WDR47: variants seen among roughly 807,000 people sequenced by gnomAD.
The protein encoded by WDR47 is WD repeat domain 47, also known as WD repeat-containing protein 47.
In WDR47, 32 loss-of-function variants were observed where a neutral mutation model predicts 97.2. The observed-to-expected ratio is 0.33, with a 90% CI of 0.25 to 0.44. The LOEUF (loss-of-function observed/expected upper bound fraction) is 0.44. WDR47 is among the 20% of genes least tolerant of loss of function. The pLI, the probability that WDR47 is intolerant of heterozygous loss-of-function variation, is 1.00. For synonymous variants in WDR47, 375 were observed against 373.5 expected, an observed-to-expected ratio of 1.00 and a Z score of -0.05; for missense variants, 782 against 1,102.3, an observed-to-expected ratio of 0.71 and a Z score of 4.11.
At chr1:108,988,891 G>T (rs1659077658) in intron 9 of WDR47, among the ~76,000 whole-genome samples, 1 of 151,906 alleles carries the variant, frequency 6.6e-6, no homozygotes, top group South Asian at 2.1e-4. Flanking sequence ...CCAAGTAGCT[G>T]GGATTATAGG....
intron 3 of WDR47, among the ~76,000 whole-genome samples, chr1:109,016,141 A>G (rs1011821514): frequency 6.6e-6 from 1 of 151,998 alleles, no homozygotes; most frequent in Non-Finnish European, 1.5e-5. Flanking sequence ...AGTGGCTCAT[A>G]CTTGTAATCC....
chr1:109,019,382 CA>C (rs543984146), intron 2 of WDR47, among the ~76,000 whole-genome samples: 3,461 of 61,468 alleles, frequency 0.056, 34 homozygotes, highest in Non-Finnish European at 0.083. Context: ...GACTCTGTCT[CA>C]AAAAAAAAAA....
At chr1:109,025,977 C>T (rs540740438) in intron 1 of WDR47, among the ~76,000 whole-genome samples, 3 of 152,294 alleles carry the variant, frequency 2.0e-5, no homozygotes, top group Admixed American at 1.3e-4. Context: ...GAGCTGACCA[C>T]CATCCTCCTG....
rs1659332584 is a variant in WDR47, at chr1:108,991,310, T to G, written c.1711A>C (p.Ile571Leu). The G allele has an allele frequency of 2.5e-6, 4 of 1,612,350 alleles. No individual in the cohort carries two copies. The highest frequency in any genetic ancestry group is 3.4e-6 in the Non-Finnish European group (4 of 1,178,830). ...GGAGAATCTCCAAGAGGTGGCTTAA[T>G]GACCGAATGTTCTGAAGAGCTGTGG... ...GSQISSEHSV[I>L]KPPLGDSPGS... The change falls in exon 9 of 15, where the codon ATT (isoleucine) becomes CTT (leucine). Residue 571 changes from isoleucine (I) to leucine (L), a missense_variant. By Grantham distance (5) the Ile-to-Leu change is conservative. This residue lies in a region of WDR47 where 126 missense variants were observed against 121.3 expected (regional missense o/e 1.04). Transcript: ENST00000369962.
intron 7 of WDR47, among the ~76,000 whole-genome samples, chr1:108,996,353 C>T (rs539866308): frequency 1.3e-5 from 2 of 152,258 alleles, no homozygotes; most frequent in South Asian, 4.2e-4. Context: ...TGTGCCCAGC[C>T]AGTATCACAG....
intron 4 of WDR47, among the ~76,000 whole-genome samples, chr1:109,012,722 G>A (rs540185332): frequency 1.3e-5 from 2 of 152,176 alleles, no homozygotes; most frequent in South Asian, 2.1e-4. Flanking sequence ...TTTTAATGAT[G>A]TAAGGAACTT....
intron 1 of WDR47, among the ~76,000 whole-genome samples, chr1:109,037,233 G>C (rs1263827534): frequency 6.6e-6 from 1 of 152,006 alleles, no homozygotes; most frequent in African/African-American, 2.4e-5. Flanking sequence ...GGAGGCTGAG[G>C]CAGGAGAATC....
At chr1:109,026,937 T>C (rs542516804) in intron 1 of WDR47, among the ~76,000 whole-genome samples, 74 of 152,178 alleles carry the variant, frequency 4.9e-4, no homozygotes, top group Middle Eastern at 3.4e-3. Flanking sequence ...AGAAAATATG[T>C]CCTAATTAAC....
chr1:108,996,030 T>C (rs944832121), intron 7 of WDR47, among the ~76,000 whole-genome samples, 193 bp from the exon 8 acceptor site: 54 of 152,172 alleles, frequency 3.5e-4, no homozygotes, highest in Non-Finnish European at 6.0e-4. Flanking sequence ...CATTTTCCCA[T>C]AGTATAACAC....
chr1:108,971,024 A>C lies in WDR47; in HGVS notation c.*406T>G. 6.4e-6 allele frequency: 1 copy of C among 156,146 alleles called. No homozygotes were observed. The highest frequency in any genetic ancestry group is 1.4e-5 in the Non-Finnish European group (1 of 70,306). 9.7% of individuals were successfully genotyped at this position (156,146 alleles called of 1,614,324 possible). On this transcript the variant is annotated 3_prime_UTR_variant, in exon 15 of 15. Coordinates refer to ENST00000369962, the MANE Select transcript of WDR47 (RefSeq NM_001142551.2). ...ACCTGGGAAGTTTAATCTGGGAGGA[A>C]CTTGGTTGCATTACATTTAATAATA...
Position 108,971,277 on chromosome 1 carries a change from C to G in WDR47, c.*153G>C. ...GAAAGCACTGCGGAATAACACCACCCAACACCTCCTATCAGTGGGATACAT... is the reference window on the plus strand; with the variant it reads ...GAAAGCACTGCGGAATAACACCACCGAACACCTCCTATCAGTGGGATACAT... On this transcript the variant is annotated 3_prime_UTR_variant, in exon 15 of 15. Transcript: ENST00000369962. 1 of 1,036,434 alleles carries G rather than the reference C, an allele frequency of 9.6e-7. No individual in the cohort carries two copies. Among genetic ancestry groups the G allele is most frequent in the Non-Finnish European group, 1.4e-6 (1 of 725,166 alleles). The allele number at this position is 1,036,434 out of a possible 1,614,324, so 64.2% of individuals were successfully genotyped here.
chr1:109,034,823 A>G (rs985608315), intron 1 of WDR47, among the ~76,000 whole-genome samples: 3 of 152,338 alleles, frequency 2.0e-5, no homozygotes, highest in African/African-American at 4.8e-5. Context: ...ACAGTGACGT[A>G]TATCTATATA....
chr1:109,000,759 G>A (rs1660124777), intron 7 of WDR47, among the ~76,000 whole-genome samples: 1 of 152,004 alleles, frequency 6.6e-6, no homozygotes, highest in South Asian at 2.1e-4. Context: ...ATCAATTTCA[G>A]GCTCACTGAC....
At position 108,989,099 on chromosome 1, in the gene WDR47, C is replaced by T. The variant is rs184205522; in HGVS notation, c.1767+2155G>A. Among the ~76,000 whole-genome samples the T allele has an allele frequency of 4.9e-3, 751 of 152,268 alleles. 9 individuals are homozygous for T. Among genetic ancestry groups the T allele is most frequent in the Admixed American group, 4.4e-3 (67 of 15,286 alleles). On this transcript the variant is annotated intron_variant, in intron 9 of 14. Coordinates refer to ENST00000369962, the MANE Select transcript of WDR47 (RefSeq NM_001142551.2). ...TGTCAACCTGTCCATCCAGATCTCT[C>T]TTCTGAAGAGAGATGCTGAAGCAGT...
At chr1:109,036,967 T>C (rs1460586719) in intron 1 of WDR47, among the ~76,000 whole-genome samples, 2 of 152,216 alleles carry the variant, frequency 1.3e-5, no homozygotes, top group Non-Finnish European at 2.9e-5. Flanking sequence ...TTTCTTTATA[T>C]CATCATCTAT....
Position 108,986,642 on chromosome 1 carries a change from G to A in WDR47, c.1806C>T (p.Ile602=), listed in dbSNP as rs752809133. The stretch of plus-strand genomic sequence containing the variant: ...CTCTAACAGCTTGTGTGTCTTCTAG[G>A]ATATTAATACAAACAAACTGCTTTT... ...KSKKQFVCIN[I]LEDTQAVRAV... Residue 602 remains isoleucine, a synonymous_variant, in exon 10 of 15, where the codon ATC becomes ATT. Coordinates refer to ENST00000369962, the MANE Select transcript of WDR47 (RefSeq NM_001142551.2). 1.5e-5 allele frequency: 24 copies of A among 1,612,916 alleles called. No individual in the cohort carries two copies. Among genetic ancestry groups the A allele is most frequent in the Admixed American group, 5.0e-5 (3 of 59,868 alleles).
intron 2 of WDR47, among the ~76,000 whole-genome samples, chr1:109,023,020 T>C (rs1268230629): frequency 6.6e-6 from 1 of 151,368 alleles, no homozygotes; most frequent in Non-Finnish European, 1.5e-5. Context: ...CTGGCTAACA[T>C]GGTGAAACCC....
At chr1:108,994,590 T>C (rs1288467725) in intron 8 of WDR47, among the ~76,000 whole-genome samples, 1 of 151,592 alleles carries the variant, frequency 6.6e-6, no homozygotes, top group African/African-American at 2.4e-5. Flanking sequence ...AAAAAAATTG[T>C]ATGTATATAT....
Position 109,010,266 on chromosome 1 carries a change from CAT to C in WDR47, c.1130+648_1130+649del, listed in dbSNP as rs201623768. Among the ~76,000 whole-genome samples the C allele has an allele frequency of 6.0e-3, 916 of 152,028 alleles. 11 individuals are homozygous for C. The highest frequency in any genetic ancestry group is 0.021 in the African/African-American group (868 of 41,468). On this transcript the variant is annotated intron_variant, in intron 5 of 14. Transcript: ENST00000369962. ...TAAAAGGACCTGAACATTAAGAAAA[CAT>C]ACACACTCCTGGGCATGGTGGTTCA...
Sources: gnomAD v4.1 joint callset for allele counts (sites outside exome capture counted in the v4.1 genomes callset) on GRCh38, gnomAD v4.1.1 for gene constraint, gnomAD v4.1.1 regional missense constraint, MANE v1.5 for transcripts, NCBI Gene and HGNC (gene_info 2026-07-23, HGNC 2026-07-21) for gene names.